Variants in PAAF1 observed in about 807,000 individuals in gnomAD.
The protein encoded by PAAF1 is proteasomal ATPase associated factor 1, also known as proteasomal ATPase-associated factor 1.
PAAF1 carries 46 observed loss-of-function variants against 52.8 expected under a neutral mutation model. That is an observed-to-expected ratio of 0.87 (90% CI 0.69 to 1.11). The LOEUF (loss-of-function observed/expected upper bound fraction) is 1.11, where lower values mean the gene tolerates loss of function less well. PAAF1 is among the 50% of genes most tolerant of loss of function. The probability of loss-of-function intolerance (pLI) is 0.00; values close to 1 mark genes in which losing one functional copy is unlikely to be tolerated. For synonymous variants in PAAF1, 178 were observed against 172.8 expected, an observed-to-expected ratio of 1.03 and a Z score of -0.24; for missense variants, 424 against 477.4, an observed-to-expected ratio of 0.89 and a Z score of 1.04.
intron 6 of PAAF1, among the ~76,000 whole-genome samples, chr11:73,901,086 TAGAG>T (rs3076363): frequency 0.082 from 10,924 of 132,972 alleles, 571 homozygotes; most frequent in African/African-American, 0.18. Context: ...TGCTGGGAAA[TAGAG>T]AGAGAGAGTG....
At chr11:73,899,820 C>T (rs1184985070) in intron 5 of PAAF1, among the ~76,000 whole-genome samples, 1 of 152,118 alleles carries the variant, frequency 6.6e-6, no homozygotes, top group African/African-American at 2.4e-5. Context: ...TGGGTGTGCC[C>T]TTGTTTTTTA....
At chr11:73,918,227 ACCAG>A (rs1245132855) in intron 9 of PAAF1, among the ~76,000 whole-genome samples, 1 of 152,114 alleles carries the variant, frequency 6.6e-6, no homozygotes, top group African/African-American at 2.4e-5. Context: ...GAGAAGTGAT[ACCAG>A]CAGGAAAACA....
intron 9 of PAAF1, among the ~76,000 whole-genome samples, chr11:73,918,370 T>C (rs1276985357): frequency 6.9e-6 from 1 of 144,836 alleles, no homozygotes; most frequent in East Asian, 2.0e-4. Flanking sequence ...TTTTTTTTTT[T>C]TTTTTTTTTT....
intron 6 of PAAF1, among the ~76,000 whole-genome samples, chr11:73,907,464 G>A (rs1045946727): frequency 2.6e-5 from 4 of 152,168 alleles, no homozygotes; most frequent in African/African-American, 4.8e-5. Context: ...GGACACAGTT[G>A]CACCACCTGA....
At chr11:73,894,160 C>G (rs2135153784) in intron 4 of PAAF1, among the ~76,000 whole-genome samples, 1 of 152,272 alleles carries the variant, frequency 6.6e-6, no homozygotes, top group South Asian at 2.1e-4. Flanking sequence ...CAATTCACCT[C>G]TTGGGAGAGT....
At chr11:73,886,256 C>A (rs989475395) in intron 2 of PAAF1, among the ~76,000 whole-genome samples, 1 of 152,162 alleles carries the variant, frequency 6.6e-6, no homozygotes, top group Non-Finnish European at 1.5e-5. Context: ...CTGATCTTCA[C>A]CTTTCATCCT....
At chr11:73,896,646 A>G (rs1949375794) in intron 4 of PAAF1, among the ~76,000 whole-genome samples, 1 of 152,172 alleles carries the variant, frequency 6.6e-6, no homozygotes, top group African/African-American at 2.4e-5. Flanking sequence ...ATCCCAAGGC[A>G]GAAGAATTTT....
chr11:73,919,157 C>T (rs1032817665), intron 10 of PAAF1, 125 bp downstream of exon 10: 6 of 758,880 alleles, frequency 7.9e-6, no homozygotes, highest in Non-Finnish European at 1.1e-5. Flanking sequence ...CATATTGTAC[C>T]TATCAATAGT....
intron 10 of PAAF1, among the ~76,000 whole-genome samples, chr11:73,919,835 T>C (rs2135226907): frequency 6.6e-6 from 1 of 152,312 alleles, no homozygotes; most frequent in African/African-American, 2.4e-5. Flanking sequence ...TGTTTTGGGC[T>C]GTTATTTACA....
At chr11:73,913,937 C>G (rs1290048961) in intron 7 of PAAF1, among the ~76,000 whole-genome samples, 6 of 152,058 alleles carry the variant, frequency 3.9e-5, no homozygotes, top group Non-Finnish European at 8.8e-5. Flanking sequence ...GTAGTCCCAG[C>G]TACTCAGGAG....
intron 5 of PAAF1, 107 bp from the exon 6 acceptor site, chr11:73,900,163 G>A: frequency 8.3e-7 from 1 of 1,209,722 alleles, no homozygotes; most frequent in Non-Finnish European, 1.1e-6. Flanking sequence ...CCCAGCATGT[G>A]GGTTTAGCAT....
intron 9 of PAAF1, among the ~76,000 whole-genome samples, chr11:73,916,865 T>C (rs1950078690): frequency 2.0e-5 from 3 of 152,214 alleles, no homozygotes; most frequent in African/African-American, 7.2e-5. Flanking sequence ...ACCATTATGA[T>C]TGTCTGACTA....
chr11:73,922,608 G>C (rs1950250720), intron 10 of PAAF1, among the ~76,000 whole-genome samples: 1 of 152,086 alleles, frequency 6.6e-6, no homozygotes. Context: ...ACGAGGTCAG[G>C]AGATCGAGAC....
intron 4 of PAAF1, among the ~76,000 whole-genome samples, chr11:73,898,633 A>C (rs1294506039): frequency 6.6e-6 from 1 of 152,120 alleles, no homozygotes; most frequent in Non-Finnish European, 1.5e-5. Flanking sequence ...CTTGGGCAAC[A>C]TGGTGAAACT....
intron 6 of PAAF1, among the ~76,000 whole-genome samples, chr11:73,907,421 C>T (rs1025864773): frequency 2.0e-5 from 3 of 152,286 alleles, no homozygotes; most frequent in Non-Finnish European, 4.4e-5. Flanking sequence ...TCAGCTTCCC[C>T]CTTGGTCCTG....
intron 3 of PAAF1, among the ~76,000 whole-genome samples, chr11:73,890,615 T>C (rs560966920): frequency 6.6e-6 from 1 of 152,364 alleles, no homozygotes; most frequent in East Asian, 1.9e-4. Flanking sequence ...TCATTGTAAA[T>C]GTCAGTAGTC....
At chr11:73,906,285 C>T (rs1949750227) in intron 6 of PAAF1, among the ~76,000 whole-genome samples, 2 of 152,068 alleles carry the variant, frequency 1.3e-5, no homozygotes, top group Non-Finnish European at 2.9e-5. Flanking sequence ...TTGAGATTCC[C>T]TCTGTTACCC....
intron 6 of PAAF1, among the ~76,000 whole-genome samples, chr11:73,907,187 A>G (rs949028043): frequency 3.2e-4 from 49 of 152,136 alleles, no homozygotes; most frequent in African/African-American, 9.2e-4. Context: ...ATTATAGATA[A>G]TAAAGGGCTT....
At chr11:73,917,759 G>A (rs1289502915) in intron 9 of PAAF1, among the ~76,000 whole-genome samples, 1 of 152,024 alleles carries the variant, frequency 6.6e-6, no homozygotes, top group East Asian at 1.9e-4. Flanking sequence ...ATAATCCCAG[G>A]TACTGGGGGG....
Sources: allele counts gnomAD v4.1 joint callset (sites outside exome capture counted in the v4.1 genomes callset), GRCh38; gene constraint gnomAD v4.1.1; transcripts MANE v1.5; gene names NCBI Gene and HGNC (gene_info 2026-07-23, HGNC 2026-07-21).